Variants in NPAS3 observed in about 807,000 individuals in gnomAD.
NPAS3 encodes the protein neuronal PAS domain-containing protein 3.
Under a neutral mutation model 73.1 loss-of-function variants are expected in NPAS3, and 14 were observed. That is an observed-to-expected ratio of 0.19 (90% CI 0.13 to 0.30). The LOEUF is 0.30. Among genes scored for constraint, NPAS3 ranks in the 10% least tolerant of loss-of-function variants. NPAS3 has a pLI of 1.00. For missense variants in NPAS3, 1,096 were observed against 1,250.0 expected (o/e 0.88, Z 1.86); for synonymous variants, 620 against 541.5 (o/e 1.14, Z -2.01).
chr14:33,547,515 T>C (rs2054903937), intron 4 of NPAS3, among the ~76,000 whole-genome samples: 1 of 152,118 alleles, frequency 6.6e-6, no homozygotes, highest in Non-Finnish European at 1.5e-5. Flanking sequence ...CACATACAAA[T>C]ACATTTAGAG....
At chr14:33,721,231 C>T (rs1383012699) in intron 6 of NPAS3, among the ~76,000 whole-genome samples, 1 of 152,146 alleles carries the variant, frequency 6.6e-6, no homozygotes, top group Non-Finnish European at 1.5e-5. Flanking sequence ...CCCTAAATTA[C>T]TTACATACAC....
At chr14:33,595,363 TTAGGTAAAG>T (rs2057203137) in intron 5 of NPAS3, among the ~76,000 whole-genome samples, 1 of 152,132 alleles carries the variant, frequency 6.6e-6, no homozygotes, top group Non-Finnish European at 1.5e-5. Context: ...GAAAAGCAGA[TTAGGTAAAG>T]ACCTATCAAT....
Position 33,800,607 on chromosome 14 carries a change from G to A in NPAS3, c.2300G>A (p.Gly767Glu). ...CACCCCGGGAACGGCGGCGGGGGCGGGGGCGGGGGCGGCGGCGCGGGGGGC... is the reference window on the plus strand; with the variant it reads ...CACCCCGGGAACGGCGGCGGGGGCGAGGGCGGGGGCGGCGGCGCGGGGGGC... Residue 767 changes from glycine to glutamate, a missense_variant, in exon 12 of 12, where the codon GGG becomes GAG. Coordinates refer to ENST00000356141, the Ensembl canonical transcript of NPAS3. The surrounding 1 kb of genome is among the most constrained non-coding windows in gnomAD (Gnocchi z 6.5). The A allele has an allele frequency of 7.6e-7, 1 of 1,318,990 alleles. No homozygotes were observed. The highest frequency in any genetic ancestry group is 9.6e-7 in the Non-Finnish European group (1 of 1,042,602). The allele number at this position is 1,318,990 out of a possible 1,614,324, so 81.7% of individuals were successfully genotyped here.
intron 5 of NPAS3, among the ~76,000 whole-genome samples, chr14:33,661,539 G>A (rs770962068): frequency 6.6e-6 from 1 of 152,108 alleles, no homozygotes; most frequent in Non-Finnish European, 1.5e-5. Context: ...ACTGTACAAT[G>A]AATATTACAA....
chr14:33,198,098 T>C (rs1022128301), intron 2 of NPAS3, among the ~76,000 whole-genome samples: 2 of 152,014 alleles, frequency 1.3e-5, no homozygotes, highest in Non-Finnish European at 2.9e-5. Flanking sequence ...TTCCTCCCAG[T>C]GGGGGGTTCG....
intron 3 of NPAS3, among the ~76,000 whole-genome samples, chr14:33,317,653 T>C (rs1417287967): frequency 6.6e-6 from 1 of 152,054 alleles, no homozygotes; most frequent in East Asian, 1.9e-4. Flanking sequence ...TTGGCACTTC[T>C]CCTTCCTGCC....
rs79968557 is a variant in NPAS3, at chr14:33,185,458, C to T, written c.141-29724C>T. Among the ~76,000 whole-genome samples the T allele has an allele frequency of 1.2e-4, 19 of 152,178 alleles. No homozygotes were observed. In the East Asian group the frequency reaches 2.7e-3, roughly 22 times the overall value. ...GTACACTTACCACATAATGAGAAAC[C>T]GAATCATGCTTTCCAAAGTGGATCC... On this transcript the variant is annotated intron_variant, in intron 2 of 11. Coordinates refer to ENST00000356141, the Ensembl canonical transcript of NPAS3.
chr14:33,732,464 T>C (rs1229801177), intron 6 of NPAS3, among the ~76,000 whole-genome samples: 1 of 152,228 alleles, frequency 6.6e-6, no homozygotes, highest in Non-Finnish European at 1.5e-5. Context: ...GTGTATTTGC[T>C]AGCTCTTGAG....
rs36114643 is a variant in NPAS3 at position 33,786,937 on chromosome 14, C to CAA, written c.1154-6953_1154-6952dup. 5.3e-5 allele frequency among the ~76,000 whole-genome samples: 8 copies of CAA among 151,772 alleles called. No homozygotes were observed. The East Asian group carries it at 5.8e-4, about 11-fold the overall frequency. Reference sequence around the variant, plus strand: ...CAGTGACTAGCACAGAGTAGGCACTCAAAAAAAATGGATTGAATGAATAAA... The same window carrying CAA: ...CAGTGACTAGCACAGAGTAGGCACTCAAAAAAAAAATGGATTGAATGAATAAA... On this transcript the variant is annotated intron_variant, in intron 9 of 11. Transcript: ENST00000356141.
At chr14:33,456,515 A>C (rs2050030306) in intron 4 of NPAS3, among the ~76,000 whole-genome samples, 1 of 152,190 alleles carries the variant, frequency 6.6e-6, no homozygotes, top group South Asian at 2.1e-4. Context: ...TGGGCACGAT[A>C]ACATTAGAAA....
At chr14:33,111,820 G>GC (rs1328575146) in intron 2 of NPAS3, among the ~76,000 whole-genome samples, 1 of 73,646 alleles carries the variant, frequency 1.4e-5, no homozygotes, top group Admixed American at 1.8e-4. Flanking sequence ...CCTCCCCCTT[G>GC]CCCGCACCCC....
chr14:33,393,622 G>T (rs1191538319), intron 4 of NPAS3, among the ~76,000 whole-genome samples: 1 of 152,098 alleles, frequency 6.6e-6, no homozygotes, highest in Non-Finnish European at 1.5e-5. Context: ...TAATTTCCAG[G>T]GTTGCAGCTG....
intron 3 of NPAS3, among the ~76,000 whole-genome samples, chr14:33,319,288 G>A (rs1195398217): frequency 6.6e-6 from 1 of 152,128 alleles, no homozygotes; most frequent in Non-Finnish European, 1.5e-5. Context: ...GTTGGTCAGA[G>A]CAAGTCACAA....
intron 2 of NPAS3, among the ~76,000 whole-genome samples, chr14:33,066,903 C>A (rs141531644): frequency 6.6e-6 from 1 of 152,094 alleles, no homozygotes; most frequent in Non-Finnish European, 1.5e-5. Flanking sequence ...GTAATTGATA[C>A]GGCTGAAATC....
chr14:33,026,480 T>A (rs544902715), intron 1 of NPAS3, among the ~76,000 whole-genome samples: 1 of 152,022 alleles, frequency 6.6e-6, no homozygotes, highest in East Asian at 1.9e-4. Flanking sequence ...TGGGAAGAAG[T>A]CACTCATGTT....
intron 5 of NPAS3, among the ~76,000 whole-genome samples, chr14:33,657,193 C>CTGATGCAG (rs575488643): frequency 6.6e-4 from 101 of 152,308 alleles, no homozygotes; most frequent in African/African-American, 2.4e-3. Context: ...GATTGTGCAT[C>CTGATGCAG]TGATGCAGCT....
chr14:33,129,662 C>T lies in NPAS3; in HGVS notation c.140+73668C>T, dbSNP rs4982053. 8.5e-3 allele frequency among the ~76,000 whole-genome samples: 1,292 copies of T among 152,170 alleles called. 40 individuals are homozygous for T. The highest frequency in any genetic ancestry group is 0.066 in the East Asian group (344 of 5,176). On this transcript the variant is annotated intron_variant, in intron 2 of 11. Transcript: ENST00000356141. The stretch of plus-strand genomic sequence containing the variant: ...GTTTTAGAATCCAACACAGTTATGG[C>T]AGTAGTGAATAACTAGTACATTTTG...
chr14:33,716,810 C>A (rs1225712511), intron 6 of NPAS3, among the ~76,000 whole-genome samples: 2 of 152,194 alleles, frequency 1.3e-5, no homozygotes, highest in African/African-American at 4.8e-5. Context: ...CTGAGCGCCG[C>A]CCCCACCCGA....
At chr14:33,666,146 T>TATC (rs2059444988) in intron 5 of NPAS3, among the ~76,000 whole-genome samples, 1 of 152,204 alleles carries the variant, frequency 6.6e-6, no homozygotes, top group South Asian at 2.1e-4. Flanking sequence ...TGGATCTATC[T>TATC]ATCTCTTTAG....
Sources: gnomAD v4.1 joint callset for allele counts (sites outside exome capture counted in the v4.1 genomes callset) on GRCh38, gnomAD v4.1.1 for gene constraint, Gnocchi (gnomAD v3.1) non-coding constraint, MANE v1.5 for transcripts, NCBI Gene and HGNC (gene_info 2026-07-23, HGNC 2026-07-21) for gene names.